The following VAT1L variants were observed in gnomAD, a reference collection of about 807,000 sequenced individuals.
VAT1L encodes the protein vesicle amine transport 1 like, also known as putative NADPH-dependent quinone oxidoreductase VAT1L.
VAT1L carries 34 observed loss-of-function variants against 44.1 expected under a neutral mutation model. The ratio of observed to expected loss-of-function variants is 0.77; its 90% CI spans 0.59 to 1.03. VAT1L has a LOEUF of 1.03. VAT1L is among the 50% of genes least tolerant of loss of function. The pLI is 0.00. For missense variants in VAT1L, 615 were observed against 538.8 expected, an observed-to-expected ratio of 1.14 and a Z score of -1.40; for synonymous variants, 253 against 202.2, an observed-to-expected ratio of 1.25 and a Z score of -2.13.
At position 77,884,889 on chromosome 16, in the gene VAT1L, G is replaced by A; in HGVS notation, c.1077+87G>A. On this transcript the variant is annotated intron_variant, in intron 7 of 8. Coordinates refer to ENST00000302536, the MANE Select transcript of VAT1L (RefSeq NM_020927.3). The surrounding 1 kb of genome is among the most constrained non-coding windows in gnomAD (Gnocchi z 4.5). Reference sequence around the variant, plus strand: ...AGCCAAATACAATCTTCTACTAAATGATTTTTTTCCCAGATGGGTTTGTTT... The same window carrying A: ...AGCCAAATACAATCTTCTACTAAATAATTTTTTTCCCAGATGGGTTTGTTT... 7.3e-7 allele frequency: 1 copy of A among 1,373,028 alleles called. No homozygotes were observed. Among genetic ancestry groups the A allele is most frequent in the Non-Finnish European group, 9.5e-7 (1 of 1,047,720 alleles). 85.1% of individuals were successfully genotyped at this position (1,373,028 alleles called of 1,614,324 possible). A position where few individuals can be genotyped will look rare whatever the true frequency, so the allele number is the denominator to read the frequency against.
At chr16:77,972,221 G>A (rs1836846441) in intron 8 of VAT1L, among the ~76,000 whole-genome samples, 1 of 152,162 alleles carries the variant, frequency 6.6e-6, no homozygotes, top group African/African-American at 2.4e-5. Flanking sequence ...TAGCTCTTGG[G>A]AGAAATTCCT....
intron 7 of VAT1L, among the ~76,000 whole-genome samples, chr16:77,955,790 T>C (rs1013838758): frequency 6.8e-6 from 1 of 147,234 alleles, no homozygotes; most frequent in Non-Finnish European, 1.5e-5. Flanking sequence ...GCAAGATGCA[T>C]ATAGAAGTAC....
chr16:77,853,303 A>G (rs991526635), intron 3 of VAT1L, among the ~76,000 whole-genome samples: 2 of 152,124 alleles, frequency 1.3e-5, no homozygotes, highest in African/African-American at 4.8e-5. Context: ...CACTAAACCC[A>G]TGGACTCTGA....
intron 7 of VAT1L, among the ~76,000 whole-genome samples, chr16:77,890,342 T>C (rs991384809): frequency 3.9e-5 from 6 of 152,064 alleles, no homozygotes; most frequent in Non-Finnish European, 4.4e-5. Context: ...AAGATTTGTT[T>C]GGTCAATGGA....
At chr16:77,960,215 G>T (rs1364125877) in intron 7 of VAT1L, among the ~76,000 whole-genome samples, 1 of 152,100 alleles carries the variant, frequency 6.6e-6, no homozygotes, top group Admixed American at 6.6e-5. Context: ...GGGTCTTGTA[G>T]GGGGTTGGCT....
chr16:77,818,907 C>T (rs1268567032), intron 2 of VAT1L, among the ~76,000 whole-genome samples: 1 of 152,168 alleles, frequency 6.6e-6, no homozygotes, highest in Non-Finnish European at 1.5e-5. Context: ...CTGAATAGCT[C>T]TCTTGGTTTG....
rs1555518307 is a variant in VAT1L at position 77,902,738 on chromosome 16, G to GGA, written c.1077+17937_1077+17938insAG. Among the ~76,000 whole-genome samples the GGA allele has an allele frequency of 9.3e-4, 123 of 132,198 alleles. 2 individuals are homozygous for GGA. Among genetic ancestry groups the GGA allele is most frequent in the African/African-American group, 3.2e-3 (108 of 33,976 alleles). The allele number at this position is 132,198 out of a possible 152,430, so 86.7% of individuals were successfully genotyped here. Reference sequence around the variant, plus strand: ...TGGGAGGCCGATGGGGGGGTGGGGGGGGTGTGGATCACCTGAGGTCAGGAG... The same window carrying GGA: ...TGGGAGGCCGATGGGGGGGTGGGGGGGAGGTGTGGATCACCTGAGGTCAGGAG... On this transcript the variant is annotated intron_variant, in intron 7 of 8. Transcript: ENST00000302536.
intron 2 of VAT1L, among the ~76,000 whole-genome samples, chr16:77,821,302 T>C (rs79671254): frequency 0.19 from 27,880 of 147,332 alleles, 2,686 homozygotes; most frequent in Admixed American, 0.25. Context: ...AATCTTGTCT[T>C]TTTTTTTTTT....
intron 7 of VAT1L, among the ~76,000 whole-genome samples, chr16:77,889,968 T>G (rs1275656335): frequency 6.6e-6 from 1 of 152,104 alleles, no homozygotes; most frequent in Non-Finnish European, 1.5e-5. Flanking sequence ...ACGCCTATAG[T>G]CCCAGCTACT....
intron 3 of VAT1L, among the ~76,000 whole-genome samples, chr16:77,848,751 T>C (rs2016780729): frequency 6.6e-6 from 1 of 152,144 alleles, no homozygotes; most frequent in Admixed American, 6.6e-5. Context: ...CTACCCAGTA[T>C]AGGGCACTGT....
At chr16:77,799,565 T>C (rs371377045) in intron 1 of VAT1L, among the ~76,000 whole-genome samples, 10 of 138,154 alleles carry the variant, frequency 7.2e-5, no homozygotes, top group Middle Eastern at 3.9e-3. Flanking sequence ...GTGGTGTGTA[T>C]TGGGGGAAAA....
chr16:77,848,167 T>C (rs1413664116), intron 3 of VAT1L, among the ~76,000 whole-genome samples: 4 of 152,202 alleles, frequency 2.6e-5, no homozygotes, highest in Non-Finnish European at 5.9e-5. Flanking sequence ...ACAGGAAGGC[T>C]GTGGACAGCA....
chr16:77,920,392 G>T (rs1188978197), intron 7 of VAT1L, among the ~76,000 whole-genome samples: 1 of 152,102 alleles, frequency 6.6e-6, no homozygotes, highest in African/African-American at 2.4e-5. Flanking sequence ...AAGCAGATGA[G>T]ACCTCCAAAA....
At chr16:77,924,524 A>C (rs900944740) in intron 7 of VAT1L, among the ~76,000 whole-genome samples, 2 of 151,946 alleles carry the variant, frequency 1.3e-5, no homozygotes, top group Non-Finnish European at 2.9e-5. Context: ...GCAGTGACAC[A>C]ATCTCGGCTC....
intron 5 of VAT1L, among the ~76,000 whole-genome samples, chr16:77,877,540 A>G (rs1035016484): frequency 1.4e-5 from 2 of 141,038 alleles, no homozygotes; most frequent in African/African-American, 5.4e-5. Context: ...AAAAAAAAAA[A>G]AAACCACATT....
chr16:77,867,954 T>C (rs921342488), intron 4 of VAT1L, among the ~76,000 whole-genome samples: 1 of 152,156 alleles, frequency 6.6e-6, no homozygotes, highest in African/African-American at 2.4e-5. Flanking sequence ...GACCTTTTGT[T>C]TTTTCATTTA....
chr16:77,936,773 G>A (rs72796731), intron 7 of VAT1L, among the ~76,000 whole-genome samples: 8,257 of 152,242 alleles, frequency 0.054, 294 homozygotes, highest in Non-Finnish European at 0.081. Context: ...AAGAGGAGAG[G>A]AAGGAGAGGG....
intron 7 of VAT1L, among the ~76,000 whole-genome samples, chr16:77,969,935 G>A (rs1307447011): frequency 2.6e-5 from 4 of 151,416 alleles, no homozygotes; most frequent in South Asian, 4.2e-4. Flanking sequence ...GATCAGGGCC[G>A]GGCACAGTGG....
intron 7 of VAT1L, among the ~76,000 whole-genome samples, chr16:77,908,857 T>C (rs1325658871): frequency 1.3e-5 from 2 of 151,958 alleles, no homozygotes; most frequent in Non-Finnish European, 2.9e-5. Context: ...GAGCTTGCAG[T>C]GAACCGAGAT....
Sources: allele counts gnomAD v4.1 joint callset (sites outside exome capture counted in the v4.1 genomes callset), GRCh38; gene constraint gnomAD v4.1.1; non-coding constraint Gnocchi (gnomAD v3.1); transcripts MANE v1.5; gene names NCBI Gene and HGNC (gene_info 2026-07-23, HGNC 2026-07-21).